GALNT13: variants seen among roughly 807,000 people sequenced by gnomAD.
The protein encoded by GALNT13 is UDP-GalNAc:polypeptide N-acetylgalactosaminyltransferase 13.
A neutral mutation model predicts 64.2 loss-of-function variants in GALNT13; 28 were observed. That is an observed-to-expected ratio of 0.44 (90% CI 0.32 to 0.60). GALNT13 has a LOEUF of 0.60. Ranked by LOEUF, GALNT13 falls within the 20% of genes least tolerant of loss-of-function variation. The probability of loss-of-function intolerance (pLI) is 0.05; values close to 1 mark genes in which losing one functional copy is unlikely to be tolerated. For missense variants in GALNT13, 577 were observed against 669.8 expected (o/e 0.86, Z 1.53); for synonymous variants, 214 against 224.6 (o/e 0.95, Z 0.42).
chr2:153,653,593 A>G, the GALNT13 span, among the ~76,000 whole-genome samples: 1 of 152,158 alleles, frequency 6.6e-6, no homozygotes, highest in Non-Finnish European at 1.5e-5. Flanking sequence ...GTTTCCAATG[A>G]CCAAAGCTGG....
At chr2:153,410,882 G>T in the GALNT13 span, among the ~76,000 whole-genome samples, 18 of 151,868 alleles carry the variant, frequency 1.2e-4, no homozygotes, top group African/African-American at 3.4e-4. Flanking sequence ...TTTAGAGAGA[G>T]AGAGAGAGAG....
chr2:154,428,689 A>C (rs1172372534), intron 11 of GALNT13, among the ~76,000 whole-genome samples: 2 of 150,968 alleles, frequency 1.3e-5, no homozygotes, highest in Admixed American at 6.6e-5. Flanking sequence ...TGCCCACTTT[A>C]TGTCTTTGTG....
At chr2:153,468,466 A>G in the GALNT13 span, among the ~76,000 whole-genome samples, 1 of 152,158 alleles carries the variant, frequency 6.6e-6, no homozygotes, top group African/African-American at 2.4e-5. Context: ...ACATACAGAT[A>G]CGAATTTACT....
intron 9 of GALNT13, among the ~76,000 whole-genome samples, chr2:154,394,077 CAAAAA>C (rs369267777): frequency 3.4e-4 from 11 of 32,006 alleles, no homozygotes; most frequent in African/African-American, 1.0e-3. Flanking sequence ...GACTCCGTCT[CAAAAA>C]AAAAAAAAAA....
At chr2:154,343,582 A>G (rs1032073041) in intron 9 of GALNT13, among the ~76,000 whole-genome samples, 1 of 152,038 alleles carries the variant, frequency 6.6e-6, no homozygotes, top group Non-Finnish European at 1.5e-5. Flanking sequence ...CAGTCAATAA[A>G]CTACAGGCAT....
chr2:153,549,123 A>G, the GALNT13 span, among the ~76,000 whole-genome samples: 1 of 152,256 alleles, frequency 6.6e-6, no homozygotes, highest in African/African-American at 2.4e-5. Context: ...GGGAATATGG[A>G]GTGACTGATG....
intron 5 of GALNT13, 30 bp downstream of exon 5, chr2:154,242,226 G>A: frequency 6.3e-7 from 1 of 1,589,348 alleles, no homozygotes; most frequent in Non-Finnish European, 8.6e-7. Context: ...TTTTGTTTTT[G>A]TTTTTTTGTT....
the GALNT13 span, among the ~76,000 whole-genome samples, chr2:153,598,619 TG>T: frequency 3.1e-3 from 469 of 152,220 alleles, 2 homozygotes; most frequent in African/African-American, 0.011. Context: ...CTACAGCTCC[TG>T]CAACAGTGCC....
chr2:154,069,983 C>G (rs189439558), intron 3 of GALNT13, among the ~76,000 whole-genome samples: 2 of 152,106 alleles, frequency 1.3e-5, no homozygotes, highest in East Asian at 3.9e-4. Flanking sequence ...GAATGCACTA[C>G]TAAAATAAAA....
intron 3 of GALNT13, among the ~76,000 whole-genome samples, chr2:154,128,000 CT>C (rs1430555067): frequency 3.3e-5 from 5 of 151,870 alleles, no homozygotes; most frequent in Admixed American, 2.6e-4. Flanking sequence ...ATAATGTAAT[CT>C]TTTCTACAAA....
the GALNT13 span, among the ~76,000 whole-genome samples, chr2:153,501,894 C>A: frequency 1.3e-5 from 2 of 152,094 alleles, no homozygotes; most frequent in African/African-American, 2.4e-5. Context: ...TTTTAATTCT[C>A]TTATTACCCA....
At chr2:153,842,876 T>C in the GALNT13 span, among the ~76,000 whole-genome samples, 1 of 152,160 alleles carries the variant, frequency 6.6e-6, no homozygotes, top group African/African-American at 2.4e-5. Flanking sequence ...ATTCCAGTTT[T>C]ATCAAGAAAC....
At chr2:153,303,537 TG>T in the GALNT13 span, among the ~76,000 whole-genome samples, 3 of 152,198 alleles carry the variant, frequency 2.0e-5, no homozygotes, top group Admixed American at 6.5e-5. Flanking sequence ...AGATACCTTT[TG>T]TTTCTTTCTC....
At chr2:153,587,085 T>A in the GALNT13 span, among the ~76,000 whole-genome samples, 1 of 151,672 alleles carries the variant, frequency 6.6e-6, no homozygotes, top group Non-Finnish European at 1.5e-5. Flanking sequence ...TACAAAAAAA[T>A]TAGCTAGGTG....
chr2:153,542,977 C>T, the GALNT13 span, among the ~76,000 whole-genome samples: 1 of 152,074 alleles, frequency 6.6e-6, no homozygotes, highest in Admixed American at 6.6e-5. Context: ...GTGTGCAATG[C>T]ATATTATAAA....
chr2:153,686,242 G>T, the GALNT13 span, among the ~76,000 whole-genome samples: 4 of 151,972 alleles, frequency 2.6e-5, no homozygotes, highest in African/African-American at 9.7e-5. Context: ...TGGGCAGTAT[G>T]ACCATTTTCA....
chr2:153,214,218 C>G, the GALNT13 span, among the ~76,000 whole-genome samples: 2 of 152,114 alleles, frequency 1.3e-5, no homozygotes, highest in Admixed American at 1.3e-4. Context: ...CGTACAATAC[C>G]CTTGAATTTC....
chr2:154,050,983 A>T (rs1699572204), intron 3 of GALNT13, among the ~76,000 whole-genome samples: 1 of 152,200 alleles, frequency 6.6e-6, no homozygotes, highest in Non-Finnish European at 1.5e-5. Context: ...CCCTCCCAGG[A>T]CTTAGAACAA....
chr2:154,198,944 TA>T (rs951843450), intron 4 of GALNT13, among the ~76,000 whole-genome samples: 2 of 152,040 alleles, frequency 1.3e-5, no homozygotes, highest in Non-Finnish European at 2.9e-5. Flanking sequence ...CTAACTAAGC[TA>T]AATCTAGCAT....
Sources: allele counts gnomAD v4.1 joint callset (sites outside exome capture counted in the v4.1 genomes callset), GRCh38; gene constraint gnomAD v4.1.1; transcripts MANE v1.5; gene names NCBI Gene and HGNC (gene_info 2026-07-23, HGNC 2026-07-21).